The following PKD1 variants were observed in gnomAD, a reference collection of about 807,000 sequenced individuals.
PKD1 encodes polycystin-1.
A neutral mutation model predicts 361.7 loss-of-function variants in PKD1; 81 were observed. The observed-to-expected ratio is 0.22, with a 90% CI of 0.19 to 0.27. The LOEUF (loss-of-function observed/expected upper bound fraction) is 0.27. PKD1 is among the 10% of genes least tolerant of loss of function. PKD1 has a pLI of 1.00. For missense variants in PKD1, 6,399 were observed against 6,118.3 expected (o/e 1.05, Z -1.53); for synonymous variants, 3,615 against 2,818.3 (o/e 1.28, Z -8.95).
At position 2,091,142 on chromosome 16, in the gene PKD1, G is replaced by A. The variant is rs755022166; in HGVS notation, c.11745C>T (p.Ala3915=). ...TGTGCCAAGTACGGGCCTCGGCCAC[G>A]GCGAAGTGCACGGCGAACAGCAGCA... is the stretch of plus-strand genomic sequence containing the variant. ...VCLLLFAVHF[A]VAEARTWHRE... is the part of the protein sequence containing the mutation. The change falls in exon 43 of 46, where the codon GCC becomes GCT. Residue 3915 remains alanine, a synonymous_variant. Transcript: ENST00000262304. The A allele has an allele frequency of 1.9e-5, 28 of 1,481,962 alleles. No individual in the cohort carries two copies. Among genetic ancestry groups the A allele is most frequent in the African/African-American group, 7.3e-5 (5 of 68,194 alleles). The allele number at this position is 1,481,962 out of a possible 1,614,324, so 91.8% of individuals were successfully genotyped here. A position where few individuals can be genotyped will look rare whatever the true frequency, so the allele number is the denominator to read the frequency against.
intron 1 of PKD1, chr16:2,123,333 C>G (rs576419635): frequency 2.8e-6 from 1 of 350,998 alleles, no homozygotes; most frequent in Admixed American, 3.8e-5. Flanking sequence ...CCCCCAGCCC[C>G]CAGGGTGTGG....
Position 2,088,876 on chromosome 16 carries a change from C to CGCGT in PKD1, c.*850_*851insACGC, listed in dbSNP as rs2091272814. On this transcript the variant is annotated 3_prime_UTR_variant, in exon 46 of 46. Transcript: ENST00000262304. Reference sequence around the variant, plus strand: ...GCCATACAGCACACTCGCGCGTGCGCGCGCGCACACACACACACACACAGT... The same window carrying CGCGT: ...GCCATACAGCACACTCGCGCGTGCGCGCGTGCGCGCACACACACACACACACAGT... 2.1e-6 allele frequency: 1 copy of CGCGT among 485,086 alleles called. No homozygotes were observed. Among genetic ancestry groups the CGCGT allele is most frequent in the African/African-American group, 2.7e-5 (1 of 36,556 alleles). 30.0% of individuals were successfully genotyped at this position (485,086 alleles called of 1,614,324 possible).
At position 2,089,871 on chromosome 16, in the gene PKD1, G is replaced by A. The variant is rs373854628; in HGVS notation, c.12768C>T (p.Ala4256=). The A allele has an allele frequency of 1.6e-4, 265 of 1,609,698 alleles. No individual in the cohort carries two copies. The African/African-American group carries it at 2.4e-3, about 15-fold the overall frequency. The change falls in exon 46 of 46, where the codon GCC becomes GCT. Residue 4256 remains alanine, a synonymous_variant. Coordinates refer to ENST00000262304, the MANE Select transcript of PKD1 (RefSeq NM_001009944.3). ...CCGGGGATGGGCCACGGGAAGATCC[G>A]GCGGGCGCCCGGCTGCTCCTGCGGC... is the stretch of plus-strand genomic sequence containing the variant. ...LQGRRSSRAP[A]GSSRGPSPGL...
rs374599599 is a variant in PKD1 at position 2,111,231 on chromosome 16, C to T, written c.3936G>A (p.Arg1312=). ...AACIPTQPDA[R]LTAYVTGNPA... ...GGTTCCCGGTGACGTAGGCCGTGAG[C>T]CGCGCGTCAGGCTGCGTGGGGATGC... The change falls in exon 15 of 46, where the codon CGG becomes CGA. Residue 1312 remains arginine, a synonymous_variant. Transcript: ENST00000262304. 2 of 1,610,814 alleles carry T rather than the reference C, an allele frequency of 1.2e-6. No homozygotes were observed. The highest frequency in any genetic ancestry group is 2.7e-5 in the African/African-American group (2 of 74,890).
chr16:2,109,917 G>A lies in PKD1; in HGVS notation c.5250C>T (p.Tyr1750=), dbSNP rs1227218424. The change falls in exon 15 of 46, where the codon TAC becomes TAT. Residue 1750 remains tyrosine (Y), a synonymous_variant. Transcript: ENST00000262304. ...TCAGCCCCTCCTCCAAGGACCAAGT[G>A]TATACGACACCACTGCCACCAGCCA... ...AELAGGSGVV[Y]TWSLEEGLSW... 1.2e-6 allele frequency: 2 copies of A among 1,610,432 alleles called. No individual in the cohort carries two copies. Among genetic ancestry groups the A allele is most frequent in the African/African-American group, 1.3e-5 (1 of 74,864 alleles).
Position 2,088,949 on chromosome 16 carries a change from C to G in PKD1, c.*778G>C, listed in dbSNP as rs907531409. ...CAGCCCCCAGGAGGAGTCTTTTCCT[C>G]TAACCACCCTGGGGTCCTCTGACAT... On this transcript the variant is annotated 3_prime_UTR_variant, in exon 46 of 46. Transcript: ENST00000262304. 5 of 358,496 alleles carry G rather than the reference C, an allele frequency of 1.4e-5. No individual in the cohort carries two copies. The highest frequency in any genetic ancestry group is 4.2e-5 in the African/African-American group (2 of 47,502). 22.2% of individuals were successfully genotyped at this position (358,496 alleles called of 1,614,324 possible).
intron 11 of PKD1, 158 bp from the exon 12 acceptor site, chr16:2,113,450 C>G: frequency 1.2e-6 from 1 of 842,090 alleles, no homozygotes; most frequent in East Asian, 2.4e-5. Flanking sequence ...CAAGCCCGGG[C>G]TGGGACACTC....
chr16:2,135,867 G>C lies in PKD1; in HGVS notation c.-178C>G. 2 of 231,574 alleles carry C rather than the reference G, an allele frequency of 8.6e-6. No individual in the cohort carries two copies. Among genetic ancestry groups the C allele is most frequent in the Non-Finnish European group, 1.4e-5 (2 of 142,250 alleles). The allele number at this position is 231,574 out of a possible 1,614,324, so 14.3% of individuals were successfully genotyped here. A position where few individuals can be genotyped will look rare whatever the true frequency, so the allele number is the denominator to read the frequency against. On this transcript the variant is annotated 5_prime_UTR_variant, in exon 1 of 46. Coordinates refer to ENST00000262304, the MANE Select transcript of PKD1 (RefSeq NM_001009944.3). ...CGGGGCCAGGCCGCTCCGGGAGCTC[G>C]GCCGCCCGCTCGGACGCTGGCGCTG...
At position 2,108,015 on chromosome 16, in the gene PKD1, A is replaced by C. The variant is rs1373423663; in HGVS notation, c.6933T>G (p.Cys2311Trp). Residue 2311 changes from cysteine to tryptophan, a missense_variant, in exon 16 of 46, where the codon TGT becomes TGG. By Grantham distance (215) the Cys-to-Trp change is radical. Transcript: ENST00000262304. ...VASTQREAGG[C>W]ALNFGPRGSS... ...TCCCGCGGGGCCCAAAGTTCAGCGC[A>C]CACCCGCCAGCCTCCCTCTGCAGGC... 1 of 1,549,240 alleles carries C rather than the reference A, an allele frequency of 6.5e-7. No homozygotes were observed. Among genetic ancestry groups the C allele is most frequent in the Non-Finnish European group, 8.7e-7 (1 of 1,148,164 alleles).
At chr16:2,099,390 C>A in intron 30 of PKD1, 2 of 542,200 alleles carry the variant, frequency 3.7e-6, no homozygotes, top group Non-Finnish European at 6.8e-6. Context: ...AGTTATCTGG[C>A]GTGCTGCTGT....
At position 2,111,727 on chromosome 16, in the gene PKD1, T is replaced by C; in HGVS notation, c.3440A>G (p.Tyr1147Cys). ...CCCAGGCGAGGGCAGCGGGTGCGGG[T>C]AGAAGGTGACGGGCCGGCCGGCCAC... ...VLVAGRPVTF[Y>C]PHPLPSPGGV... Residue 1147 changes from tyrosine to cysteine, a missense_variant, in exon 15 of 46, where the codon TAC becomes TGC. Coordinates refer to ENST00000262304, the MANE Select transcript of PKD1 (RefSeq NM_001009944.3). 6.3e-7 allele frequency: 1 copy of C among 1,595,114 alleles called. No homozygotes were observed. Among genetic ancestry groups the C allele is most frequent in the Non-Finnish European group, 8.5e-7 (1 of 1,172,644 alleles).
At chr16:2,127,735 G>C (rs1178811430) in intron 1 of PKD1, among the ~76,000 whole-genome samples, 1 of 151,264 alleles carries the variant, frequency 6.6e-6, no homozygotes, top group African/African-American at 2.4e-5. Flanking sequence ...CTTTACAGGT[G>C]AGGAAACTGA....
At chr16:2,096,361 G>C (rs1222901357) in intron 34 of PKD1, among the ~76,000 whole-genome samples, 1 of 152,272 alleles carries the variant, frequency 6.6e-6, no homozygotes, top group African/African-American at 2.4e-5. Context: ...CTGAGCATAG[G>C]AGGGCATGGC....
In PKD1 at chr16:2,112,671, C is replaced by G. The variant is rs2092546588; in HGVS notation, c.3161+117G>C. On this transcript the variant is annotated intron_variant, in intron 13 of 45. Transcript: ENST00000262304. ...TCCTGTGCACCCAGTTACCTCCCAA[C>G]AGACAGGGAAACCGAGGCTCAGAAA... 7 of 1,227,896 alleles carry G rather than the reference C, an allele frequency of 5.7e-6. No individual in the cohort carries two copies. In the South Asian group the frequency reaches 8.9e-5, roughly 16 times the overall value. The allele number at this position is 1,227,896 out of a possible 1,614,324, so 76.1% of individuals were successfully genotyped here. A position where few individuals can be genotyped will look rare whatever the true frequency, so the allele number is the denominator to read the frequency against.
chr16:2,111,329 C>T lies in PKD1; in HGVS notation c.3838G>A (p.Ala1280Thr), dbSNP rs779028845. Residue 1280 changes from alanine to threonine, a missense_variant, in exon 15 of 46, where the codon GCC (alanine) becomes ACC (threonine). Physicochemically the swap from Ala to Thr is moderately conservative, Grantham distance 58. Transcript: ENST00000262304. The stretch of plus-strand genomic sequence containing the variant: ...TGCAGGCTCCGGGCCAGGTGGCCGG[C>T]GGGGCTGGCCGCACCCACGGTCACT... ...CTVTVGAASP[A>T]GHLARSLHVL... is the part of the protein sequence containing the mutation. The T allele has an allele frequency of 4.9e-5, 79 of 1,608,186 alleles. No individual in the cohort carries two copies. In the South Asian group the frequency reaches 7.4e-4, roughly 15 times the overall value.
chr16:2,090,971 G>C lies in PKD1; in HGVS notation c.11916C>G (p.Arg3972=), dbSNP rs77634115. The C allele has an allele frequency of 7.0e-4, 1,083 of 1,543,088 alleles. 4 individuals carry two copies. In the African/African-American group the frequency reaches 0.012, roughly 18 times the overall value. ...QWTRFVRGRP[R]RFTSFDQVAQ... ...CCACCTGGTCGAAGCTAGTGAAGCG[G>C]CGCGGGCGGCCGCGCACGAAACGGG... The change falls in exon 43 of 46, where the codon CGC becomes CGG. Residue 3972 remains arginine (R), a synonymous_variant. Transcript: ENST00000262304.
chr16:2,094,054 G>GTCT, intron 35 of PKD1, 38 bp downstream of exon 35: 1 of 1,589,968 alleles, frequency 6.3e-7, no homozygotes, highest in Non-Finnish European at 8.6e-7. Flanking sequence ...CAGCTCACAG[G>GTCT]GAGGGGCTAG....
chr16:2,099,994 G>A lies in PKD1; in HGVS notation c.9790C>T (p.Leu3264Phe), dbSNP rs1423631782. The change falls in exon 29 of 46, where the codon CTC (leucine) becomes TTC (phenylalanine). Residue 3264 changes from leucine to phenylalanine, a missense_variant. Coordinates refer to ENST00000262304, the MANE Select transcript of PKD1 (RefSeq NM_001009944.3). ...CGAGGCGGCCGGTCCCATATGGAGA[G>A]CCAGATGTGCTTGTCAAAGAAGCCA... Reference protein sequence around the residue: ...QRGFFDKHIWLSIWDRPPRSR... With the variant: ...QRGFFDKHIWFSIWDRPPRSR... The A allele has an allele frequency of 3.2e-6, 5 of 1,566,532 alleles. No individual in the cohort carries two copies. The highest frequency in any genetic ancestry group is 4.3e-6 in the Non-Finnish European group (5 of 1,157,238).
chr16:2,112,907 C>T lies in PKD1; in HGVS notation c.3042G>A (p.Glu1014=), dbSNP rs1404991071. The T allele has an allele frequency of 1.9e-6, 3 of 1,606,630 alleles. No individual in the cohort carries two copies. The highest frequency in any genetic ancestry group is 2.5e-6 in the Non-Finnish European group (3 of 1,179,778). ...GCAGACCCTGCATCCTGTTCATCCG[C>T]TCCACGGTTACGTTGTAGTTCACGG... The part of the protein sequence containing the change: ...NVTVNYNVTV[E]RMNRMQGLQV... The change falls in exon 13 of 46, where the codon GAG becomes GAA. Residue 1014 remains glutamate, a synonymous_variant. Transcript: ENST00000262304.
Sources: allele counts gnomAD v4.1 joint callset (sites outside exome capture counted in the v4.1 genomes callset), GRCh38; gene constraint gnomAD v4.1.1; transcripts MANE v1.5; gene names NCBI Gene and HGNC (gene_info 2026-07-23, HGNC 2026-07-21).